The following RAD21 variants were observed in gnomAD, a reference collection of about 807,000 sequenced individuals.
RAD21 encodes the protein RAD21 cohesin complex component.
RAD21 carries 18 observed loss-of-function variants against 71.5 expected under a neutral mutation model. That is an observed-to-expected ratio of 0.25 (90% confidence interval 0.17 to 0.37). The LOEUF (loss-of-function observed/expected upper bound fraction) is 0.37, where lower values mean the gene tolerates loss of function less well. RAD21 is among the 10% of genes least tolerant of loss of function. RAD21 has a pLI of 1.00. For missense variants in RAD21, 493 were observed against 769.1 expected (o/e 0.64, Z 4.25); for synonymous variants, 248 against 254.0 (o/e 0.98, Z 0.22).
At position 116,858,401 on chromosome 8, in the gene RAD21, G is replaced by A; in HGVS notation, c.432C>T (p.Thr144=). The change falls in exon 5 of 14, where the codon ACC becomes ACT. Residue 144 remains threonine, a synonymous_variant. Transcript: ENST00000297338. ...SLNQSRVEEI[T]MREEVGNISI... is the part of the protein sequence containing the mutation. ...TGATGTTCCCAACTTCTTCTCTCATGGTTATCTCTTCCACTCTACTCTGAT... is the reference window on the plus strand; with the variant it reads ...TGATGTTCCCAACTTCTTCTCTCATAGTTATCTCTTCCACTCTACTCTGAT... 1 of 1,612,940 alleles carries A rather than the reference G, an allele frequency of 6.2e-7. No individual in the cohort carries two copies. Among genetic ancestry groups the A allele is most frequent in the Non-Finnish European group, 8.5e-7 (1 of 1,179,504 alleles).
rs1196030471 is a variant in RAD21, at chr8:116,861,182, A to C, written c.374+659T>G. Among the ~76,000 whole-genome samples the C allele has an allele frequency of 2.0e-5, 3 of 152,228 alleles. No homozygotes were observed. In the East Asian group the frequency reaches 5.8e-4, roughly 29 times the overall value. ...AATTAGAAGCCACAGATCATTTCAAAAAGCAGAGAAATCTGTAATGGTGTA... is the reference window on the plus strand; with the variant it reads ...AATTAGAAGCCACAGATCATTTCAACAAGCAGAGAAATCTGTAATGGTGTA... On this transcript the variant is annotated intron_variant, in intron 4 of 13. Coordinates refer to ENST00000297338, the MANE Select transcript of RAD21 (RefSeq NM_006265.3).
intron 9 of RAD21, among the ~76,000 whole-genome samples, 173 bp downstream of exon 9, chr8:116,854,072 T>C (rs1324006233): frequency 6.8e-6 from 1 of 147,192 alleles, no homozygotes; most frequent in East Asian, 1.9e-4. Flanking sequence ...GTCTCACTTA[T>C]CCATATATTT....
At chr8:116,862,027 GT>G (rs1812602456) in intron 3 of RAD21, 87 bp from the exon 4 acceptor site, 3 of 997,786 alleles carry the variant, frequency 3.0e-6, no homozygotes, top group Non-Finnish European at 4.7e-6. Flanking sequence ...AACTTCCTAA[GT>G]TTATATTCTC....
intron 1 of RAD21, among the ~76,000 whole-genome samples, chr8:116,870,385 A>G (rs1812794921): frequency 6.6e-6 from 1 of 152,240 alleles, no homozygotes; most frequent in African/African-American, 2.4e-5. Flanking sequence ...AAGAAATTAA[A>G]GAATGAAGAA....
At chr8:116,855,737 T>G (rs1402472152) in intron 8 of RAD21, among the ~76,000 whole-genome samples, 1 of 152,048 alleles carries the variant, frequency 6.6e-6, no homozygotes, top group East Asian at 1.9e-4. Flanking sequence ...TACTTTTAGT[T>G]TTTTCCAGCT....
At chr8:116,874,571 G>A (rs1194542783) in intron 1 of RAD21, 40 bp downstream of exon 1, 2 of 314,112 alleles carry the variant, frequency 6.4e-6, no homozygotes, top group African/African-American at 4.5e-5. Context: ...GGTGGGGGGA[G>A]GGAGCTGGAG....
chr8:116,855,802 A>G (rs1037848009), intron 8 of RAD21, among the ~76,000 whole-genome samples: 8 of 152,118 alleles, frequency 5.3e-5, no homozygotes, highest in African/African-American at 1.9e-4. Flanking sequence ...AAGCTTTCCA[A>G]TGTTTTCCAG....
chr8:116,869,821 T>C (rs546556990), intron 1 of RAD21, among the ~76,000 whole-genome samples: 5 of 152,340 alleles, frequency 3.3e-5, no homozygotes, highest in African/African-American at 1.2e-4. Context: ...CTAAAATCTC[T>C]TGAATTAGCT....
intron 5 of RAD21, among the ~76,000 whole-genome samples, chr8:116,858,122 A>G (rs1812509704): frequency 6.6e-6 from 1 of 152,226 alleles, no homozygotes; most frequent in Non-Finnish European, 1.5e-5. Flanking sequence ...CGCAGAAATC[A>G]ATATATAGGT....
chr8:116,849,329 T>C (rs1322839410), intron 12 of RAD21: 9 of 307,818 alleles, frequency 2.9e-5, no homozygotes, highest in African/African-American at 1.9e-4. Flanking sequence ...GGACTGCTGC[T>C]GATCATGGAG....
Position 116,847,039 on chromosome 8 carries a change from T to C in RAD21, c.*461A>G, listed in dbSNP as rs1812264000. On this transcript the variant is annotated 3_prime_UTR_variant, in exon 14 of 14. Coordinates refer to ENST00000297338, the MANE Select transcript of RAD21 (RefSeq NM_006265.3). ...CTAAGGAGAGTGGTTAACAGGAAGA[T>C]TGCCAGTGTTACTGATGGAAAGAAG... 1 of 222,402 alleles carries C rather than the reference T, an allele frequency of 4.5e-6. No homozygotes were observed. The highest frequency in any genetic ancestry group is 9.0e-6 in the Non-Finnish European group (1 of 111,090). The allele number at this position is 222,402 out of a possible 1,614,324, so 13.8% of individuals were successfully genotyped here.
rs191742952 is a variant in RAD21, at chr8:116,873,343, T to A, written c.-33+1268A>T. ...TACAAACTGTTAACTTATTTGAAGATCAGATATGGCGTATGTCCTCATCAA... is the reference window on the plus strand; with the variant it reads ...TACAAACTGTTAACTTATTTGAAGAACAGATATGGCGTATGTCCTCATCAA... On this transcript the variant is annotated intron_variant, in intron 1 of 13. Coordinates refer to ENST00000297338, the MANE Select transcript of RAD21 (RefSeq NM_006265.3). 2.3e-3 allele frequency among the ~76,000 whole-genome samples: 344 copies of A among 152,342 alleles called. 1 individual carries two copies. The highest frequency in any genetic ancestry group is 8.0e-3 in the African/African-American group (333 of 41,574).
chr8:116,868,235 A>G (rs543515347), intron 1 of RAD21, among the ~76,000 whole-genome samples: 25 of 152,204 alleles, frequency 1.6e-4, no homozygotes, highest in Non-Finnish European at 3.4e-4. Context: ...AGAAAATTAT[A>G]TAAATGAATC....
At chr8:116,854,083 C>G (rs1328842412) in intron 9 of RAD21, among the ~76,000 whole-genome samples, 162 bp downstream of exon 9, 1 of 147,642 alleles carries the variant, frequency 6.8e-6, no homozygotes. Context: ...CCATATATTT[C>G]AGATGAAGTT....
chr8:116,856,585 G>C (rs1430201217), intron 7 of RAD21, 61 bp downstream of exon 7: 5 of 1,491,272 alleles, frequency 3.4e-6, no homozygotes, highest in South Asian at 1.3e-5. Flanking sequence ...ATCTTCTATG[G>C]TAAGTATCTT....
intron 4 of RAD21, among the ~76,000 whole-genome samples, chr8:116,860,110 C>T (rs769412674): frequency 3.9e-5 from 6 of 152,100 alleles, no homozygotes; most frequent in Non-Finnish European, 8.8e-5. Context: ...AGCAAGAGAA[C>T]TAGAATTAGA....
At position 116,850,654 on chromosome 8, in the gene RAD21, C is replaced by CTCCTTCTCTTTTTCTGGCAGAAGT. The variant is rs764314642; in HGVS notation, c.1560_1583dup (p.Leu521_Glu528dup). 9.2e-5 allele frequency: 148 copies of CTCCTTCTCTTTTTCTGGCAGAAGT among 1,610,336 alleles called. No homozygotes were observed. The highest frequency in any genetic ancestry group is 7.4e-5 in the Non-Finnish European group (87 of 1,176,982). ...CATCATCTTCTTTTTCCTTCTCTTTCTCCTTCTCTTTTTCTGGCAGAAGTT... is the reference window on the plus strand; with the variant it reads ...CATCATCTTCTTTTTCCTTCTCTTTCTCCTTCTCTTTTTCTGGCAGAAGTTCCTTCTCTTTTTCTGGCAGAAGTT... On this transcript the variant is annotated inframe_insertion, in exon 12 of 14. Transcript: ENST00000297338.
rs1199664091 is a variant in RAD21, at chr8:116,856,132, T to C, written c.937+34A>G. The C allele has an allele frequency of 3.8e-6, 6 of 1,594,426 alleles. No individual in the cohort carries two copies. The Admixed American group carries it at 7.0e-5, about 19-fold the overall frequency. ...AAACCAGAAATAGGACCTTATGTTG[T>C]ATGCTGTATAAATCTAAAGGTTCAT... is the stretch of plus-strand genomic sequence containing the variant. On this transcript the variant is annotated intron_variant, in intron 8 of 13. Coordinates refer to ENST00000297338, the MANE Select transcript of RAD21 (RefSeq NM_006265.3).
chr8:116,848,384 G>A (rs1812286537), intron 13 of RAD21, among the ~76,000 whole-genome samples: 1 of 152,158 alleles, frequency 6.6e-6, no homozygotes, highest in African/African-American at 2.4e-5. Context: ...GACAGCTAAT[G>A]TAATATAGTA....
Sources: gnomAD v4.1 joint callset for allele counts (sites outside exome capture counted in the v4.1 genomes callset) on GRCh38, gnomAD v4.1.1 for gene constraint, MANE v1.5 for transcripts, NCBI Gene and HGNC (gene_info 2026-07-23, HGNC 2026-07-21) for gene names.